The following UNC79 variants were observed in gnomAD, a reference collection of about 807,000 sequenced individuals.
UNC79 encodes protein unc-79 homolog.
In UNC79, 37 loss-of-function variants were observed where a neutral mutation model predicts 283.1. The ratio of observed to expected loss-of-function variants is 0.13; its 90% CI spans 0.10 to 0.17. The LOEUF (loss-of-function observed/expected upper bound fraction) is 0.17. UNC79 is among the 10% of genes least tolerant of loss of function. The pLI is 1.00. For synonymous variants in UNC79, 1,107 were observed against 1,200.2 expected (o/e 0.92, Z 1.61); for missense variants, 2,272 against 3,211.1 (o/e 0.71, Z 7.07).
At chr14:93,674,801 T>C (rs891422305) in intron 41 of UNC79, among the ~76,000 whole-genome samples, 2 of 152,232 alleles carry the variant, frequency 1.3e-5, no homozygotes, top group African/African-American at 2.4e-5. Flanking sequence ...CTGTATTGCA[T>C]GGGGGGGTTC....
chr14:93,349,251 C>G (rs1171095569), intron 1 of UNC79, among the ~76,000 whole-genome samples: 7 of 152,214 alleles, frequency 4.6e-5, no homozygotes, highest in Non-Finnish European at 7.3e-5. Context: ...AAGTGATTAA[C>G]AGCAGATATA....
chr14:93,386,445 T>A (rs1395350114), intron 1 of UNC79, among the ~76,000 whole-genome samples: 1 of 152,226 alleles, frequency 6.6e-6, no homozygotes, highest in Non-Finnish European at 1.5e-5. Context: ...TTTTGATGTG[T>A]CTTTGTCTGG....
intron 4 of UNC79, among the ~76,000 whole-genome samples, chr14:93,482,601 A>G (rs2058198841): frequency 6.6e-6 from 1 of 152,204 alleles, no homozygotes; most frequent in Non-Finnish European, 1.5e-5. Context: ...GTTCTGTCAC[A>G]TTGAAAAACT....
chr14:93,543,383 CTTTT>C (rs369252676), intron 14 of UNC79, among the ~76,000 whole-genome samples: 1 of 140,906 alleles, frequency 7.1e-6, no homozygotes, highest in Non-Finnish European at 1.6e-5. Context: ...TTCTTTTTTC[CTTTT>C]TTTTTTTTTT....
intron 35 of UNC79, among the ~76,000 whole-genome samples, chr14:93,650,475 T>C (rs759555604): frequency 2.0e-5 from 3 of 152,158 alleles, no homozygotes; most frequent in Admixed American, 6.5e-5. Flanking sequence ...TTTGGCATTG[T>C]TGGTCTTTTT....
chr14:93,674,884 G>A (rs1034707825), intron 41 of UNC79, among the ~76,000 whole-genome samples: 1 of 152,124 alleles, frequency 6.6e-6, no homozygotes, highest in African/African-American at 2.4e-5. Flanking sequence ...AGTGTGTTAG[G>A]GCTCAGAGCC....
upstream of UNC79, among the ~76,000 whole-genome samples, chr14:93,427,167 A>G (rs751396101): frequency 1.3e-5 from 2 of 152,176 alleles, no homozygotes; most frequent in South Asian, 4.1e-4. Context: ...TAAATAGGTG[A>G]TATCTCCTTT....
intron 41 of UNC79, among the ~76,000 whole-genome samples, chr14:93,675,602 A>G (rs1300944741): frequency 1.3e-5 from 2 of 152,202 alleles, no homozygotes; most frequent in Non-Finnish European, 2.9e-5. Flanking sequence ...AAGATGAGGA[A>G]CAACTCTTGT....
At chr14:93,380,834 G>A (rs1287809860) in intron 1 of UNC79, among the ~76,000 whole-genome samples, 5 of 152,152 alleles carry the variant, frequency 3.3e-5, no homozygotes, top group Admixed American at 2.0e-4. Flanking sequence ...GTAATATATA[G>A]CCACACTGCA....
chr14:93,651,531 T>C (rs1181344362), intron 35 of UNC79, among the ~76,000 whole-genome samples: 2 of 152,226 alleles, frequency 1.3e-5, no homozygotes, highest in Non-Finnish European at 2.9e-5. Flanking sequence ...TTTATACTAA[T>C]GTAAATGGAA....
exon 30 of UNC79, chr14:93,622,438 C>T: frequency 6.2e-7 from 1 of 1,614,170 alleles, no homozygotes; most frequent in South Asian, 1.1e-5. Flanking sequence ...TGCCAGAGTT[C>T]TCCTGCGGTA....
intron 1 of UNC79, among the ~76,000 whole-genome samples, chr14:93,437,677 G>C (rs926493837): frequency 1.3e-5 from 2 of 152,086 alleles, no homozygotes; most frequent in Non-Finnish European, 2.9e-5. Context: ...CTCTCTGCAG[G>C]CTCTAGGGAA....
chr14:93,486,805 T>C (rs1228603004), intron 4 of UNC79, among the ~76,000 whole-genome samples: 1 of 152,008 alleles, frequency 6.6e-6, no homozygotes, highest in African/African-American at 2.4e-5. Context: ...TTTAATATGG[T>C]ATTTGATGTC....
chr14:93,697,709 C>G (rs2075248834), intron 47 of UNC79, among the ~76,000 whole-genome samples: 1 of 152,078 alleles, frequency 6.6e-6, no homozygotes, highest in South Asian at 2.1e-4. Flanking sequence ...AGTTCAAGAC[C>G]AGCCTGGACA....
intron 1 of UNC79, among the ~76,000 whole-genome samples, chr14:93,453,749 G>A (rs778807898): frequency 6.6e-6 from 1 of 152,166 alleles, no homozygotes; most frequent in Non-Finnish European, 1.5e-5. Context: ...TAACCCAGTT[G>A]CATCAAAATA....
At chr14:93,411,361 C>T (rs1051369822) in intron 1 of UNC79, among the ~76,000 whole-genome samples, 7 of 152,176 alleles carry the variant, frequency 4.6e-5, no homozygotes, top group African/African-American at 1.7e-4. Flanking sequence ...CACCCAGGAC[C>T]TGGGGGAACT....
At chr14:93,650,273 T>C (rs1383268456) in intron 35 of UNC79, among the ~76,000 whole-genome samples, 2 of 152,222 alleles carry the variant, frequency 1.3e-5, no homozygotes, top group Non-Finnish European at 2.9e-5. Flanking sequence ...GTGAACATTC[T>C]TATAAAAGCC....
intron 7 of UNC79, among the ~76,000 whole-genome samples, chr14:93,507,921 T>C (rs1332862130): frequency 6.6e-6 from 1 of 152,176 alleles, no homozygotes; most frequent in Admixed American, 6.5e-5. Context: ...ATTTCCTTAT[T>C]TCCAGTGCCC....
intron 37 of UNC79, among the ~76,000 whole-genome samples, 190 bp from the exon 41 acceptor site, chr14:93,655,044 T>C (rs557907416): frequency 9.9e-5 from 15 of 152,212 alleles, no homozygotes; most frequent in Admixed American, 5.9e-4. Context: ...TCTCATCAAT[T>C]TTCCCCCTTA....
Sources: allele counts gnomAD v4.1 joint callset (sites outside exome capture counted in the v4.1 genomes callset), GRCh38; gene constraint gnomAD v4.1.1; transcripts MANE v1.5; gene names NCBI Gene and HGNC (gene_info 2026-07-23, HGNC 2026-07-21).